Variants in CD200R1L observed in about 807,000 individuals in gnomAD.
CD200R1L encodes the protein CD200 receptor 1 like, also known as cell surface glycoprotein CD200 receptor 2.
A neutral mutation model predicts 24.8 loss-of-function variants in CD200R1L; 14 were observed. The ratio of observed to expected loss-of-function variants is 0.56; its 90% CI spans 0.37 to 0.88. The LOEUF (loss-of-function observed/expected upper bound fraction) is 0.88. Among genes scored for constraint, CD200R1L ranks in the 40% least tolerant of loss-of-function variants. The pLI, the probability that CD200R1L is intolerant of heterozygous loss-of-function variation, is 0.00. For synonymous variants in CD200R1L, 111 were observed against 109.2 expected (o/e 1.02, Z -0.11); for missense variants, 299 against 297.8 (o/e 1.00, Z -0.03).
chr3:112,840,785 CT>C (rs1394445730), intron 2 of CD200R1L, among the ~76,000 whole-genome samples: 30 of 152,268 alleles, frequency 2.0e-4, no homozygotes, highest in African/African-American at 7.2e-4. Context: ...GCTAGAAAAA[CT>C]GAAATTGTTT....
intron 2 of CD200R1L, among the ~76,000 whole-genome samples, chr3:112,839,077 A>G (rs1939024027): frequency 6.6e-6 from 1 of 152,282 alleles, no homozygotes; most frequent in South Asian, 2.1e-4. Context: ...ACACACGTAC[A>G]TACACACATA....
chr3:112,819,304 G>A (rs1938475599), intron 7 of CD200R1L, among the ~76,000 whole-genome samples: 1 of 152,194 alleles, frequency 6.6e-6, no homozygotes, highest in Non-Finnish European at 1.5e-5. Flanking sequence ...GCTAGACTTT[G>A]AACCCAAAGG....
intron 2 of CD200R1L, among the ~76,000 whole-genome samples, chr3:112,842,885 C>T (rs1939115069): frequency 6.6e-6 from 1 of 152,198 alleles, no homozygotes; most frequent in South Asian, 2.1e-4. Context: ...TTTATCAAGA[C>T]AATACATGCA....
At chr3:112,839,375 G>A (rs1338154643) in intron 2 of CD200R1L, among the ~76,000 whole-genome samples, 1 of 152,086 alleles carries the variant, frequency 6.6e-6, no homozygotes, top group Non-Finnish European at 1.5e-5. Flanking sequence ...ACTTATAAAA[G>A]GCAAGGTCTG....
At position 112,832,025 on chromosome 3, in the gene CD200R1L, G is replaced by C. The variant is rs112163815; in HGVS notation, c.-17-2641C>G. ...ATTATTGTAACTCATTTTTACCGAG[G>C]TGACCCACTGAAAGGGTCTTGGTTA... On this transcript the variant is annotated intron_variant, in intron 3 of 7. Coordinates refer to ENST00000488794, the MANE Select transcript of CD200R1L (RefSeq NM_001199215.3). Among the ~76,000 whole-genome samples, 101 of 152,206 alleles carry C rather than the reference G, an allele frequency of 6.6e-4. 1 individual carries two copies. The highest frequency in any genetic ancestry group is 2.3e-3 in the African/African-American group (96 of 41,534).
chr3:112,825,080 T>C (rs1938626463), intron 6 of CD200R1L, among the ~76,000 whole-genome samples: 1 of 151,382 alleles, frequency 6.6e-6, no homozygotes, highest in African/African-American at 2.4e-5. Flanking sequence ...TACAAAAAAA[T>C]ACAAAAAAAT....
intron 2 of CD200R1L, among the ~76,000 whole-genome samples, chr3:112,842,215 C>A (rs976690210): frequency 6.6e-6 from 1 of 152,164 alleles, no homozygotes; most frequent in Admixed American, 6.5e-5. Flanking sequence ...GAATCTCAGG[C>A]TACAGGCACC....
intron 2 of CD200R1L, among the ~76,000 whole-genome samples, chr3:112,840,935 G>C (rs201385579): frequency 2.0e-5 from 3 of 152,020 alleles, no homozygotes; most frequent in Admixed American, 6.6e-5. Flanking sequence ...TGGTTGTTTT[G>C]ATTCTTAGGA....
intron 6 of CD200R1L, among the ~76,000 whole-genome samples, chr3:112,822,758 C>T (rs1017184903): frequency 6.6e-6 from 1 of 152,104 alleles, no homozygotes; most frequent in African/African-American, 2.4e-5. Context: ...TGAGCCTTAA[C>T]GGAATGTGAT....
chr3:112,821,675 G>T (rs1356596842), intron 6 of CD200R1L, among the ~76,000 whole-genome samples: 1 of 151,986 alleles, frequency 6.6e-6, no homozygotes, highest in East Asian at 1.9e-4. Context: ...GTTTTGTTTT[G>T]TTCTGTTTTG....
chr3:112,821,030 C>A (rs1381133637), intron 6 of CD200R1L, among the ~76,000 whole-genome samples: 2 of 149,574 alleles, frequency 1.3e-5, no homozygotes, highest in African/African-American at 4.9e-5. Flanking sequence ...GCACTCCAGC[C>A]TGGGTGACAG....
At chr3:112,831,235 A>G (rs1026175052) in intron 3 of CD200R1L, among the ~76,000 whole-genome samples, 1 of 152,188 alleles carries the variant, frequency 6.6e-6, no homozygotes, top group Admixed American at 6.5e-5. Flanking sequence ...TTTGATATAA[A>G]TGCATTTCCT....
intron 2 of CD200R1L, among the ~76,000 whole-genome samples, chr3:112,844,649 G>A (rs568537640): frequency 3.9e-5 from 6 of 152,248 alleles, no homozygotes; most frequent in Admixed American, 6.5e-5. Context: ...AGAAAAGGCC[G>A]CGCGTGGTGG....
At chr3:112,844,898 TG>T (rs548537175) in intron 2 of CD200R1L, among the ~76,000 whole-genome samples, 181 of 152,230 alleles carry the variant, frequency 1.2e-3, no homozygotes, top group South Asian at 2.3e-3. Context: ...CACTCCAGCC[TG>T]GGCAATAAGA....
intron 7 of CD200R1L, among the ~76,000 whole-genome samples, chr3:112,817,726 A>C (rs146641967): frequency 1.7e-4 from 26 of 152,368 alleles, no homozygotes; most frequent in African/African-American, 6.0e-4. Flanking sequence ...AACCATATGC[A>C]TATAATATCA....
intron 3 of CD200R1L, among the ~76,000 whole-genome samples, chr3:112,830,128 T>C (rs1938761908): frequency 6.6e-6 from 1 of 152,202 alleles, no homozygotes; most frequent in African/African-American, 2.4e-5. Context: ...AAGGAAAAAG[T>C]GCTTCAATCT....
chr3:112,825,392 TA>T (rs1242022614), intron 6 of CD200R1L, among the ~76,000 whole-genome samples: 1 of 149,128 alleles, frequency 6.7e-6, no homozygotes, highest in African/African-American at 2.4e-5. Flanking sequence ...ATAAAATATT[TA>T]AAATTAGTAA....
At chr3:112,834,523 CT>C (rs1185737605) in intron 3 of CD200R1L, among the ~76,000 whole-genome samples, 1 of 152,158 alleles carries the variant, frequency 6.6e-6, no homozygotes, top group Admixed American at 6.5e-5. Flanking sequence ...ATGGAGTTGC[CT>C]TTTGTCAGGG....
chr3:112,819,914 G>A lies in CD200R1L; in HGVS notation c.617-19C>T, dbSNP rs1322459289. 2 of 1,551,360 alleles carry A rather than the reference G, an allele frequency of 1.3e-6. No individual in the cohort carries two copies. The highest frequency in any genetic ancestry group is 1.7e-6 in the Non-Finnish European group (2 of 1,156,428). On this transcript the variant is annotated intron_variant, in intron 6 of 7. Coordinates refer to ENST00000488794, the MANE Select transcript of CD200R1L (RefSeq NM_001199215.3). ...CTGAGACCTTTAAATACAGACAGGG[G>A]TGAAAAATCATTTCAAGCATTCTTC... is the stretch of plus-strand genomic sequence containing the variant.
Sources: allele counts gnomAD v4.1 joint callset (sites outside exome capture counted in the v4.1 genomes callset), GRCh38; gene constraint gnomAD v4.1.1; transcripts MANE v1.5; gene names NCBI Gene and HGNC (gene_info 2026-07-23, HGNC 2026-07-21).